Variants in UBA6 observed in about 807,000 individuals in gnomAD.
The protein encoded by UBA6 is ubiquitin like modifier activating enzyme 6.
A neutral mutation model predicts 148.3 loss-of-function variants in UBA6; 87 were observed. The observed-to-expected ratio is 0.59, with a 90% confidence interval of 0.49 to 0.70. UBA6 has a LOEUF of 0.70. UBA6 is among the 30% of genes least tolerant of loss of function. The pLI, the probability that UBA6 is intolerant of heterozygous loss-of-function variation, is 0.00. For missense variants in UBA6, 1,186 were observed against 1,241.2 expected, an observed-to-expected ratio of 0.96 and a Z score of 0.67; for synonymous variants, 376 against 401.0, an observed-to-expected ratio of 0.94 and a Z score of 0.75.
At chr4:67,635,178 TCAAA>T (rs1006384401) in intron 20 of UBA6, among the ~76,000 whole-genome samples, 11 of 152,246 alleles carry the variant, frequency 7.2e-5, no homozygotes, top group African/African-American at 1.2e-4. Context: ...TTTGTTCTTA[TCAAA>T]CAATCTTAAA....
At position 67,613,334 on chromosome 4, in the gene UBA6, G is replaced by T. The variant is rs1192101884; in HGVS notation, c.*5663C>A. On this transcript the variant is annotated 3_prime_UTR_variant, in exon 33 of 33. Transcript: ENST00000322244. Reference sequence around the variant, plus strand: ...GGCACACAAGGAGACAAGACAGTAAGAATGAAGACTAGAACAAACAAAATA... The same window carrying T: ...GGCACACAAGGAGACAAGACAGTAATAATGAAGACTAGAACAAACAAAATA... The T allele has an allele frequency of 6.6e-6, 1 of 152,148 alleles. No homozygotes were observed. The highest frequency in any genetic ancestry group is 1.5e-5 in the Non-Finnish European group (1 of 68,014). 9.4% of individuals were successfully genotyped at this position (152,148 alleles called of 1,614,324 possible). A position where few individuals can be genotyped will look rare whatever the true frequency, so the allele number is the denominator to read the frequency against.
chr4:67,670,634 G>A (rs1560495282), intron 7 of UBA6, 42 bp from the exon 8 acceptor site: 2 of 1,476,184 alleles, frequency 1.4e-6, no homozygotes, highest in Middle Eastern at 1.7e-4. Context: ...TTTATATAAA[G>A]AAAAAAACAC....
intron 2 of UBA6, among the ~76,000 whole-genome samples, chr4:67,692,414 T>G (rs1385285158): frequency 1.3e-5 from 2 of 152,190 alleles, no homozygotes; most frequent in Non-Finnish European, 2.9e-5. Flanking sequence ...TTAACTCTAC[T>G]GTTTTCTGCA....
At chr4:67,624,875 A>C (rs10010078) in intron 29 of UBA6, 119 bp downstream of exon 29, 280,611 of 731,146 alleles carry the variant, frequency 0.38, 55,134 homozygotes, top group Middle Eastern at 0.46. Flanking sequence ...TTAAATTATG[A>C]GATCCAATAT....
At chr4:67,662,011 A>G (rs1729870448) in intron 13 of UBA6, 178 bp downstream of exon 13, 2 of 545,866 alleles carry the variant, frequency 3.7e-6, no homozygotes, top group Non-Finnish European at 6.4e-6. Flanking sequence ...CAATAACCCT[A>G]TGAAGGTAGG....
chr4:67,663,870 A>T lies in UBA6; in HGVS notation c.960+15T>A. ...ATTCTGCTGCCTCTCTCAAACCTGC[A>T]AAGTGTTTATTTACCTCAGGGTTGC... is the stretch of plus-strand genomic sequence containing the variant. On this transcript the variant is annotated intron_variant, in intron 11 of 32. Transcript: ENST00000322244. 1.2e-6 allele frequency: 2 copies of T among 1,611,526 alleles called. No individual in the cohort carries two copies. Among genetic ancestry groups the T allele is most frequent in the Non-Finnish European group, 1.7e-6 (2 of 1,177,772 alleles).
intron 29 of UBA6, 44 bp downstream of exon 29, chr4:67,624,950 G>A (rs762398220): frequency 1.1e-5 from 17 of 1,513,900 alleles, no homozygotes; most frequent in Non-Finnish European, 1.2e-5. Flanking sequence ...CAGGGAAGAG[G>A]CAATGAAAAA....
Position 67,683,322 on chromosome 4 carries a change from C to T in UBA6, c.135-1109G>A, listed in dbSNP as rs188876707. ...TGGAATCACTTTGAGTGTCTTTTAT[C>T]TTGTTTCTTTTGAATGAAATTATTT... On this transcript the variant is annotated intron_variant, in intron 2 of 32. Transcript: ENST00000322244. Among the ~76,000 whole-genome samples the T allele has an allele frequency of 2.0e-4, 30 of 152,206 alleles. No homozygotes were observed. In the East Asian group the frequency reaches 5.6e-3, roughly 28 times the overall value.
chr4:67,629,217 T>A (rs1728941297), intron 26 of UBA6, 75 bp from the exon 27 acceptor site: 1 of 912,248 alleles, frequency 1.1e-6, no homozygotes, highest in Non-Finnish European at 1.8e-6. Flanking sequence ...CTACAAAAGG[T>A]CCTTAATCAT....
At chr4:67,667,518 C>T (rs1560494152) in intron 9 of UBA6, among the ~76,000 whole-genome samples, 1 of 151,770 alleles carries the variant, frequency 6.6e-6, no homozygotes, top group African/African-American at 2.4e-5. Context: ...ATATATTTTG[C>T]CGTCATTAAA....
chr4:67,627,886 T>C (rs28550835), intron 27 of UBA6, among the ~76,000 whole-genome samples: 1,713 of 151,644 alleles, frequency 0.011, 42 homozygotes, highest in African/African-American at 0.039. Flanking sequence ...CAAACTTTTT[T>C]ATTTACATTG....
chr4:67,625,239 TAC>T (rs781464143), intron 28 of UBA6, 52 bp from the exon 29 acceptor site: 4 of 1,404,616 alleles, frequency 2.8e-6, no homozygotes, highest in Non-Finnish European at 3.9e-6. Flanking sequence ...GTAAAGATTT[TAC>T]TAGGTAAAAA....
intron 13 of UBA6, among the ~76,000 whole-genome samples, chr4:67,660,637 T>C (rs1729825780): frequency 6.6e-6 from 1 of 152,168 alleles, no homozygotes; most frequent in South Asian, 2.1e-4. Context: ...CATGGAGAAC[T>C]TCTTGCTAAG....
At chr4:67,671,441 T>G (rs1730146328) in intron 7 of UBA6, among the ~76,000 whole-genome samples, 1 of 147,986 alleles carries the variant, frequency 6.8e-6, no homozygotes, top group Non-Finnish European at 1.5e-5. Context: ...ACATATAGCT[T>G]TTTTTTTTTT....
intron 13 of UBA6, 82 bp downstream of exon 13, chr4:67,662,107 G>A: frequency 7.4e-7 from 1 of 1,345,648 alleles, no homozygotes; most frequent in Non-Finnish European, 1.1e-6. Flanking sequence ...AGCTGGATGT[G>A]AAGGATAAGA....
chr4:67,672,113 A>C (rs1730163523), intron 7 of UBA6, among the ~76,000 whole-genome samples: 1 of 152,162 alleles, frequency 6.6e-6, no homozygotes, highest in South Asian at 2.1e-4. Context: ...TAACTAGTCT[A>C]GCTGCCTCTA....
chr4:67,625,772 G>C (rs988701204), intron 28 of UBA6, among the ~76,000 whole-genome samples: 6 of 151,860 alleles, frequency 4.0e-5, no homozygotes. Flanking sequence ...AAAACTAAAA[G>C]ACGGTGAGCA....
At chr4:67,623,738 GT>G (rs1245441319) in intron 30 of UBA6, among the ~76,000 whole-genome samples, 1 of 151,576 alleles carries the variant, frequency 6.6e-6, no homozygotes, top group African/African-American at 2.4e-5. Context: ...GTTAAGGTAG[GT>G]TTTTTTTCAA....
chr4:67,619,971 C>T (rs1728715658), intron 32 of UBA6, among the ~76,000 whole-genome samples: 1 of 152,108 alleles, frequency 6.6e-6, no homozygotes, highest in African/African-American at 2.4e-5. Flanking sequence ...ATGTATTCTC[C>T]TGCCTAATAA....
Sources: allele counts gnomAD v4.1 joint callset (sites outside exome capture counted in the v4.1 genomes callset), GRCh38; gene constraint gnomAD v4.1.1; transcripts MANE v1.5; gene names NCBI Gene and HGNC (gene_info 2026-07-23, HGNC 2026-07-21).